The following SRD5A1 variants were observed in gnomAD, a reference collection of about 807,000 sequenced individuals.
SRD5A1 encodes 3-oxo-5-alpha-steroid 4-dehydrogenase 1.
Under a neutral mutation model 28.2 loss-of-function variants are expected in SRD5A1, and 22 were observed. The observed-to-expected ratio is 0.78, with a 90% CI of 0.56 to 1.12. SRD5A1 has a LOEUF of 1.12. Among genes scored for constraint, SRD5A1 ranks in the 50% most tolerant of loss-of-function variants. SRD5A1 has a pLI of 0.00. For missense variants in SRD5A1, 300 were observed against 346.7 expected, an observed-to-expected ratio of 0.87 and a Z score of 1.07; for synonymous variants, 151 against 135.0, an observed-to-expected ratio of 1.12 and a Z score of -0.82.
At chr5:6,658,504 C>T (rs1255384145) in intron 3 of SRD5A1, among the ~76,000 whole-genome samples, 1 of 152,152 alleles carries the variant, frequency 6.6e-6, no homozygotes, top group African/African-American at 2.4e-5. Flanking sequence ...AGTAATCAAC[C>T]CAGCTTCCTG....
chr5:6,650,206 C>T (rs2677947), intron 1 of SRD5A1, among the ~76,000 whole-genome samples: 21,621 of 151,806 alleles, frequency 0.14, 1,725 homozygotes, highest in East Asian at 0.24. Context: ...GAGTTCAAGA[C>T]CAGACTAGAG....
In SRD5A1 at chr5:6,672,745, T is replaced by C. The variant is rs1362105317; in HGVS notation, c.*4477T>C. The C allele has an allele frequency of 6.6e-6, 1 of 152,254 alleles. No homozygotes were observed. The highest frequency in any genetic ancestry group is 1.5e-5 in the Non-Finnish European group (1 of 68,046). 9.4% of individuals were successfully genotyped at this position (152,254 alleles called of 1,614,324 possible). On this transcript the variant is annotated 3_prime_UTR_variant, in exon 5 of 5. Coordinates refer to ENST00000274192, the MANE Select transcript of SRD5A1 (RefSeq NM_001047.4). ...ACCTTAAGATATATGTTAATTCCTA[T>C]GTCTTAATAAATATTGGCTTATGGA...
chr5:6,634,176 C>T (rs1177458266), intron 1 of SRD5A1, among the ~76,000 whole-genome samples: 2 of 152,154 alleles, frequency 1.3e-5, no homozygotes, highest in African/African-American at 4.8e-5. Context: ...GGTTTGGTTT[C>T]CTTAGCCGGG....
At chr5:6,657,111 A>C (rs1738855578) in intron 3 of SRD5A1, among the ~76,000 whole-genome samples, 1 of 152,230 alleles carries the variant, frequency 6.6e-6, no homozygotes, top group Non-Finnish European at 1.5e-5. Flanking sequence ...GCGTGACATC[A>C]CTTAGTTTGA....
At chr5:6,655,992 C>A in intron 2 of SRD5A1, 86 bp from the exon 3 acceptor site, 1 of 944,878 alleles carries the variant, frequency 1.1e-6, no homozygotes. Context: ...TGAAGGGTTG[C>A]AATAATACTG....
chr5:6,649,637 C>CA (rs923057325), intron 1 of SRD5A1, among the ~76,000 whole-genome samples: 16 of 152,228 alleles, frequency 1.1e-4, no homozygotes, highest in Non-Finnish European at 5.9e-5. Flanking sequence ...GGCCAGAATG[C>CA]ACCGTTCCTC....
At chr5:6,644,234 C>G (rs1468791708) in intron 1 of SRD5A1, among the ~76,000 whole-genome samples, 1 of 152,180 alleles carries the variant, frequency 6.6e-6, no homozygotes, top group East Asian at 1.9e-4. Context: ...TTTCACCTTG[C>G]CTTCCTGTTA....
At chr5:6,662,988 C>T in intron 4 of SRD5A1, 22 bp downstream of exon 4, 1 of 1,612,320 alleles carries the variant, frequency 6.2e-7, no homozygotes, top group South Asian at 1.1e-5. Flanking sequence ...AACACTTTTA[C>T]CATTTGTAAT....
At chr5:6,657,193 A>ATTAC in intron 3 of SRD5A1, among the ~76,000 whole-genome samples, 1 of 152,352 alleles carries the variant, frequency 6.6e-6, no homozygotes, top group South Asian at 2.1e-4. Flanking sequence ...CAAACCTCAA[A>ATTAC]TTACTTAAAC....
At chr5:6,636,628 T>G (rs1017256348) in intron 1 of SRD5A1, among the ~76,000 whole-genome samples, 1 of 152,136 alleles carries the variant, frequency 6.6e-6, no homozygotes, top group Non-Finnish European at 1.5e-5. Flanking sequence ...CTACAGCTCT[T>G]CCCAGAGCAA....
intron 4 of SRD5A1, 67 bp downstream of exon 4, chr5:6,663,033 C>CTA: frequency 5.1e-6 from 8 of 1,570,762 alleles, no homozygotes; most frequent in Non-Finnish European, 7.0e-6. Context: ...ATTTTTCAGG[C>CTA]TAGATTTTTG....
At chr5:6,652,215 C>T (rs2126538997) in intron 2 of SRD5A1, among the ~76,000 whole-genome samples, 1 of 152,342 alleles carries the variant, frequency 6.6e-6, no homozygotes. Flanking sequence ...GCACCTTCCC[C>T]CGCACGGGCA....
At position 6,633,548 on chromosome 5, in the gene SRD5A1, G is replaced by A. The variant is rs1314838634; in HGVS notation, c.-29G>A. On this transcript the variant is annotated 5_prime_UTR_variant, in exon 1 of 5. Coordinates refer to ENST00000274192, the MANE Select transcript of SRD5A1 (RefSeq NM_001047.4). Reference sequence around the variant, plus strand: ...ATATGTTGCCCGCCGCGGCCTCTGGGGCATGGAGCACGCTGCCCAGCCCTG... The same window carrying A: ...ATATGTTGCCCGCCGCGGCCTCTGGAGCATGGAGCACGCTGCCCAGCCCTG... 4 of 1,475,216 alleles carry A rather than the reference G, an allele frequency of 2.7e-6. No homozygotes were observed. The East Asian group carries it at 1.1e-4, about 40-fold the overall frequency. The allele number at this position is 1,475,216 out of a possible 1,614,324, so 91.4% of individuals were successfully genotyped here.
In SRD5A1 at chr5:6,654,698, G is replaced by A. The variant is rs184705338; in HGVS notation, c.461-1380G>A. On this transcript the variant is annotated intron_variant, in intron 2 of 4. Coordinates refer to ENST00000274192, the MANE Select transcript of SRD5A1 (RefSeq NM_001047.4). The stretch of plus-strand genomic sequence containing the variant: ...TCCACCCACCTTGGCCTCCCAAAGT[G>A]CTGGGATTATAGGTGTGAGCCACTA... Among the ~76,000 whole-genome samples, 5 of 152,324 alleles carry A rather than the reference G, an allele frequency of 3.3e-5. No individual in the cohort carries two copies. In the East Asian group the frequency reaches 7.7e-4, roughly 24 times the overall value.
At position 6,655,963 on chromosome 5, in the gene SRD5A1, T is replaced by C. The variant is rs927784522; in HGVS notation, c.461-115T>C. 20 of 748,610 alleles carry C rather than the reference T, an allele frequency of 2.7e-5. No individual in the cohort carries two copies. In the Admixed American group the frequency reaches 4.3e-4, roughly 16 times the overall value. The allele number at this position is 748,610 out of a possible 1,614,324, so 46.4% of individuals were successfully genotyped here. On this transcript the variant is annotated intron_variant, in intron 2 of 4. Coordinates refer to ENST00000274192, the MANE Select transcript of SRD5A1 (RefSeq NM_001047.4). ...TTACTACCAGTTATGGCTAATATGT[T>C]ACACTAACAATGGTAATCTGAAGGG...
intron 1 of SRD5A1, among the ~76,000 whole-genome samples, chr5:6,641,439 G>C (rs1312236008): frequency 6.6e-6 from 1 of 152,196 alleles, no homozygotes; most frequent in Non-Finnish European, 1.5e-5. Flanking sequence ...GCGCTTCCTT[G>C]GAGCGGAGTG....
At chr5:6,658,772 AC>A in intron 3 of SRD5A1, among the ~76,000 whole-genome samples, 1 of 152,202 alleles carries the variant, frequency 6.6e-6, no homozygotes, top group East Asian at 1.9e-4. Context: ...AAAAAAAAAA[AC>A]AAACCACAGA....
intron 1 of SRD5A1, among the ~76,000 whole-genome samples, chr5:6,635,325 G>T (rs1413414690): frequency 6.6e-6 from 1 of 151,708 alleles, no homozygotes; most frequent in Non-Finnish European, 1.5e-5. Context: ...TTTTTTTTTG[G>T]AATGGGATCA....
chr5:6,668,314 C>T lies in SRD5A1; in HGVS notation c.*46C>T, dbSNP rs780759289. On this transcript the variant is annotated 3_prime_UTR_variant, in exon 5 of 5. Transcript: ENST00000274192. The stretch of plus-strand genomic sequence containing the variant: ...TCTTCAACTTGAAGCTTTCCAATGG[C>T]GCTTCTCTATGGACTTTGTAAATAA... The T allele has an allele frequency of 1.2e-5, 14 of 1,156,410 alleles. No homozygotes were observed. The highest frequency in any genetic ancestry group is 3.1e-5 in the African/African-American group (2 of 63,680). The allele number at this position is 1,156,410 out of a possible 1,614,324, so 71.6% of individuals were successfully genotyped here.
Sources: gnomAD v4.1 joint callset for allele counts (sites outside exome capture counted in the v4.1 genomes callset) on GRCh38, gnomAD v4.1.1 for gene constraint, MANE v1.5 for transcripts, NCBI Gene and HGNC (gene_info 2026-07-23, HGNC 2026-07-21) for gene names.